Variants in PPP1R42 observed in about 807,000 individuals in gnomAD.
PPP1R42 encodes leucine rich repeat containing 67.
In PPP1R42, 34 loss-of-function variants were observed where a neutral mutation model predicts 31.0. The observed-to-expected ratio is 1.10, with a 90% CI of 0.83 to 1.46. PPP1R42 has a LOEUF of 1.46. Ranked by LOEUF, PPP1R42 falls within the 40% of genes most tolerant of loss-of-function variation. The pLI, the probability that PPP1R42 is intolerant of heterozygous loss-of-function variation, is 0.00. For synonymous variants in PPP1R42, 103 were observed against 109.8 expected (o/e 0.94, Z 0.39); for missense variants, 268 against 303.0 (o/e 0.88, Z 0.86).
At chr8:66,985,665 C>T (rs1000329242) in intron 6 of PPP1R42, 21 of 1,335,524 alleles carry the variant, frequency 1.6e-5, no homozygotes, top group Non-Finnish European at 2.0e-5. Context: ...CCTGGGAGGG[C>T]TGAATAGTGT....
chr8:67,018,819 C>T lies in PPP1R42; in HGVS notation c.-84-988G>A, dbSNP rs1334879767. On this transcript the variant is annotated intron_variant, in intron 1 of 7. Coordinates refer to ENST00000685739, the MANE Select transcript of PPP1R42 (RefSeq NM_001364910.1). ...AGCCACCGTGCCTGGCCCCCGCCCC[C>T]CCCCCCTTTTTTTTTTTTTTTTTTT... Among the ~76,000 whole-genome samples the T allele has an allele frequency of 1.5e-4, 7 of 47,024 alleles. 1 individual carries two copies. The highest frequency in any genetic ancestry group is 4.7e-4 in the African/African-American group (7 of 14,776). 30.8% of individuals were successfully genotyped at this position (47,024 alleles called of 152,430 possible).
chr8:66,995,826 C>T (rs1311153627), intron 5 of PPP1R42, among the ~76,000 whole-genome samples: 2 of 152,196 alleles, frequency 1.3e-5, no homozygotes, highest in Non-Finnish European at 2.9e-5. Flanking sequence ...AACAAAACCA[C>T]TTTCAACTTC....
Position 66,973,596 on chromosome 8 carries a change from G to A in PPP1R42, c.802+8453C>T, listed in dbSNP as rs535517403. On this transcript the variant is annotated intron_variant, in intron 7 of 7. Coordinates refer to ENST00000685739, the MANE Select transcript of PPP1R42 (RefSeq NM_001364910.1). ...GCTGAGATTACAGTTGTGAACCACCGCGCCCAGCCAAAATCTACCCTCTTA... is the reference window on the plus strand; with the variant it reads ...GCTGAGATTACAGTTGTGAACCACCACGCCCAGCCAAAATCTACCCTCTTA... 8.5e-5 allele frequency among the ~76,000 whole-genome samples: 13 copies of A among 152,224 alleles called. No homozygotes were observed. In the East Asian group the frequency reaches 1.3e-3, roughly 16 times the overall value.
At chr8:67,013,223 T>C (rs1308208513) in intron 3 of PPP1R42, 127 bp from the exon 4 acceptor site, 1 of 666,628 alleles carries the variant, frequency 1.5e-6, no homozygotes, top group Middle Eastern at 2.6e-4. Flanking sequence ...TGTTGTGTTA[T>C]ATTGAATCTA....
intron 4 of PPP1R42, among the ~76,000 whole-genome samples, chr8:67,012,422 T>C (rs1815869186): frequency 6.6e-6 from 1 of 152,100 alleles, no homozygotes; most frequent in Admixed American, 6.6e-5. Context: ...CCAATGTGAC[T>C]GGTTTCAGGC....
At chr8:66,997,117 C>A (rs778325157) in intron 5 of PPP1R42, among the ~76,000 whole-genome samples, 9 of 152,174 alleles carry the variant, frequency 5.9e-5, no homozygotes, top group Non-Finnish European at 1.0e-4. Flanking sequence ...TGTGCCACTT[C>A]ACTCCAGCCT....
chr8:66,997,892 A>G (rs1815379576), intron 5 of PPP1R42, among the ~76,000 whole-genome samples: 1 of 152,138 alleles, frequency 6.6e-6, no homozygotes, highest in African/African-American at 2.4e-5. Context: ...TTTCTTATAA[A>G]TTTTAGGGTT....
intron 7 of PPP1R42, among the ~76,000 whole-genome samples, chr8:66,977,854 G>T (rs1814722382): frequency 1.3e-5 from 2 of 152,044 alleles, no homozygotes. Context: ...TTGCTTTGTT[G>T]CCCAGGCTGG....
intron 5 of PPP1R42, among the ~76,000 whole-genome samples, chr8:66,999,888 T>C (rs1298235988): frequency 6.6e-6 from 1 of 152,232 alleles, no homozygotes; most frequent in African/African-American, 2.4e-5. Flanking sequence ...GCCAACCTTA[T>C]GGCATAAAGT....
intron 7 of PPP1R42, chr8:66,970,780 C>T: frequency 1.7e-6 from 1 of 572,564 alleles, no homozygotes; most frequent in Non-Finnish European, 3.3e-6. Flanking sequence ...CTGGAAACAC[C>T]CCTTCCCATC....
At chr8:67,010,694 A>G (rs994793443) in intron 5 of PPP1R42, 21 bp downstream of exon 5, 19 of 1,470,024 alleles carry the variant, frequency 1.3e-5, no homozygotes, top group African/African-American at 5.6e-5. Flanking sequence ...TATCTTAAAA[A>G]TTAATTTCTC....
At position 66,964,303 on chromosome 8, in the gene PPP1R42, G is replaced by A; in HGVS notation, c.*18C>T. 1 of 1,278,936 alleles carries A rather than the reference G, an allele frequency of 7.8e-7. No homozygotes were observed. The allele number at this position is 1,278,936 out of a possible 1,614,324, so 79.2% of individuals were successfully genotyped here. A position where few individuals can be genotyped will look rare whatever the true frequency, so the allele number is the denominator to read the frequency against. On this transcript the variant is annotated 3_prime_UTR_variant, in exon 8 of 8. Coordinates refer to ENST00000685739, the MANE Select transcript of PPP1R42 (RefSeq NM_001364910.1). ...GGTTCATGCACATCATTTTTTGTCA[G>A]CAAGCTTTCAGATTGCTTCAAAGAG...
chr8:66,967,100 C>G (rs1290389729), intron 7 of PPP1R42, among the ~76,000 whole-genome samples: 1 of 152,160 alleles, frequency 6.6e-6, no homozygotes, highest in Non-Finnish European at 1.5e-5. Context: ...CCTTAGCCTC[C>G]CGAGTAGCTG....
chr8:66,977,872 C>T (rs1372585793), intron 7 of PPP1R42, among the ~76,000 whole-genome samples: 3 of 152,162 alleles, frequency 2.0e-5, no homozygotes, highest in African/African-American at 4.8e-5. Flanking sequence ...TGGTCTTGAT[C>T]TCTTAGTCTC....
At chr8:67,007,044 CTTTT>C (rs759204581) in intron 5 of PPP1R42, among the ~76,000 whole-genome samples, 1 of 142,520 alleles carries the variant, frequency 7.0e-6, no homozygotes, top group African/African-American at 2.6e-5. Context: ...CGCCCGGCCT[CTTTT>C]TTTTTTTTTA....
intron 1 of PPP1R42, among the ~76,000 whole-genome samples, chr8:67,020,535 C>T (rs1816182794): frequency 6.6e-6 from 1 of 152,118 alleles, no homozygotes; most frequent in Non-Finnish European, 1.5e-5. Context: ...TGCCTGGTTC[C>T]AATTTTGGCT....
chr8:66,970,858 A>C lies in PPP1R42; in HGVS notation c.803-6524T>G, dbSNP rs142656243. On this transcript the variant is annotated intron_variant, in intron 7 of 7. Coordinates refer to ENST00000685739, the MANE Select transcript of PPP1R42 (RefSeq NM_001364910.1). ...TTTTCTTTCTTTCTATGTTTGGCCA[A>C]AAAGGATTGAGAACAAAGAACTAGG... 268 of 810,160 alleles carry C rather than the reference A, an allele frequency of 3.3e-4. 1 individual carries two copies. The East Asian group carries it at 7.0e-3, about 21-fold the overall frequency. The allele number at this position is 810,160 out of a possible 1,614,324, so 50.2% of individuals were successfully genotyped here. A position where few individuals can be genotyped will look rare whatever the true frequency, so the allele number is the denominator to read the frequency against.
At chr8:66,984,254 C>T in intron 6 of PPP1R42, 9 of 1,474,340 alleles carry the variant, frequency 6.1e-6, no homozygotes, top group Non-Finnish European at 8.5e-6. Flanking sequence ...TTCATCTCTC[C>T]AAAGCTCCGG....
At chr8:66,992,010 C>T (rs549635184) in intron 5 of PPP1R42, among the ~76,000 whole-genome samples, 1 of 152,282 alleles carries the variant, frequency 6.6e-6, no homozygotes, top group South Asian at 2.1e-4. Flanking sequence ...GCTTCTTCAA[C>T]CACTGGGCAC....
Sources: allele counts gnomAD v4.1 joint callset (sites outside exome capture counted in the v4.1 genomes callset), GRCh38; gene constraint gnomAD v4.1.1; transcripts MANE v1.5; gene names NCBI Gene and HGNC (gene_info 2026-07-23, HGNC 2026-07-21).